SLC14A2: variants seen among roughly 807,000 people sequenced by gnomAD.
SLC14A2 encodes the protein solute carrier family 14 member 2.
A neutral mutation model predicts 104.6 loss-of-function variants in SLC14A2; 91 were observed. The observed-to-expected ratio is 0.87, with a 90% CI of 0.73 to 1.04. The LOEUF (loss-of-function observed/expected upper bound fraction) is 1.04, where lower values mean the gene tolerates loss of function less well. Ranked by LOEUF, SLC14A2 falls within the 50% of genes least tolerant of loss-of-function variation. The probability of loss-of-function intolerance (pLI) is 0.00; values close to 1 mark genes in which losing one functional copy is unlikely to be tolerated. For missense variants in SLC14A2, 1,189 were observed against 1,156.0 expected, an observed-to-expected ratio of 1.03 and a Z score of -0.41; for synonymous variants, 476 against 466.4, an observed-to-expected ratio of 1.02 and a Z score of -0.27.
chr18:45,231,281 C>T (rs1471617511), intron 1 of SLC14A2, among the ~76,000 whole-genome samples: 2 of 152,144 alleles, frequency 1.3e-5, no homozygotes, highest in Non-Finnish European at 2.9e-5. Flanking sequence ...TAGCTTACTG[C>T]AGCCTTGACC....
chr18:45,280,945 A>G (rs570983367), intron 1 of SLC14A2, among the ~76,000 whole-genome samples: 1 of 151,988 alleles, frequency 6.6e-6, no homozygotes, highest in Admixed American at 6.6e-5. Context: ...TTCGAAAAGA[A>G]TTCCTGTGCA....
At chr18:45,641,921 A>T (rs1209807431) in intron 8 of SLC14A2, among the ~76,000 whole-genome samples, 1 of 152,130 alleles carries the variant, frequency 6.6e-6, no homozygotes. Flanking sequence ...CTTCTCATAC[A>T]CCTGTATCCC....
chr18:45,564,866 AAC>A (rs1313940308), intron 2 of SLC14A2, among the ~76,000 whole-genome samples: 1 of 152,138 alleles, frequency 6.6e-6, no homozygotes, highest in African/African-American at 2.4e-5. Context: ...TGGAGAGACA[AAC>A]ACAGCACAGC....
chr18:45,309,401 T>C (rs1599663890), intron 1 of SLC14A2, among the ~76,000 whole-genome samples: 1 of 151,888 alleles, frequency 6.6e-6, no homozygotes, highest in East Asian at 1.9e-4. Context: ...CATAGCCAAC[T>C]ACAGCCTCCA....
intron 2 of SLC14A2, among the ~76,000 whole-genome samples, chr18:45,565,777 C>T (rs1237856418): frequency 1.3e-5 from 2 of 152,172 alleles, no homozygotes; most frequent in African/African-American, 4.8e-5. Flanking sequence ...CCCTTCTAGG[C>T]ACAGGAAGGA....
chr18:45,237,699 A>C (rs1411945919), intron 1 of SLC14A2, among the ~76,000 whole-genome samples: 2 of 152,192 alleles, frequency 1.3e-5, no homozygotes, highest in Non-Finnish European at 2.9e-5. Context: ...ACAGTTCTGA[A>C]ATGCTGAGAA....
At chr18:45,520,902 C>T (rs1427988317) in intron 2 of SLC14A2, among the ~76,000 whole-genome samples, 1 of 152,162 alleles carries the variant, frequency 6.6e-6, no homozygotes, top group Non-Finnish European at 1.5e-5. Context: ...ATTATTATGA[C>T]CGAAAGTCTG....
chr18:45,477,646 C>G (rs978139209), intron 1 of SLC14A2, among the ~76,000 whole-genome samples: 2 of 152,204 alleles, frequency 1.3e-5, no homozygotes, highest in African/African-American at 4.8e-5. Flanking sequence ...AAGCCCATGA[C>G]TGGGGCTGCT....
chr18:45,381,104 G>A (rs911272014), intron 1 of SLC14A2, among the ~76,000 whole-genome samples: 8 of 152,156 alleles, frequency 5.3e-5, no homozygotes, highest in Non-Finnish European at 1.0e-4. Flanking sequence ...GTCCTCCAAG[G>A]AAGCTGTTCT....
chr18:45,269,924 T>C (rs1294907587), intron 1 of SLC14A2, among the ~76,000 whole-genome samples: 1 of 152,226 alleles, frequency 6.6e-6, no homozygotes, highest in Non-Finnish European at 1.5e-5. Flanking sequence ...GAATTAGTTC[T>C]CAGCATTTCT....
chr18:45,311,768 G>C (rs886083334), intron 1 of SLC14A2, among the ~76,000 whole-genome samples: 1 of 152,186 alleles, frequency 6.6e-6, no homozygotes, highest in Non-Finnish European at 1.5e-5. Context: ...GTTGAGAAAG[G>C]GGGTGTTGGA....
At chr18:45,594,661 CCTTA>C (rs1350131141) in intron 2 of SLC14A2, among the ~76,000 whole-genome samples, 4 of 152,146 alleles carry the variant, frequency 2.6e-5, no homozygotes, top group Non-Finnish European at 4.4e-5. Flanking sequence ...GCTCATGGCA[CCTTA>C]CTTGTCTCTT....
At chr18:45,681,505 A>G (rs1284490053) in intron 19 of SLC14A2, among the ~76,000 whole-genome samples, 1 of 152,246 alleles carries the variant, frequency 6.6e-6, no homozygotes, top group Non-Finnish European at 1.5e-5. Context: ...GAAGAGTACT[A>G]AAAAGCCTTA....
Position 45,650,728 on chromosome 18 carries a change from GTTT to G in SLC14A2, c.1351+6573_1351+6575del, listed in dbSNP as rs1268204505. ...ATTCACAGCACCACAGGTGTTTTGG[GTTT>G]TTTTGTCTTGTTTTGTTTTGTTTTT... On this transcript the variant is annotated intron_variant, in intron 10 of 19. Transcript: ENST00000255226. Among the ~76,000 whole-genome samples the G allele has an allele frequency of 2.3e-5, 3 of 129,916 alleles. No individual in the cohort carries two copies. In the East Asian group the frequency reaches 6.2e-4, roughly 27 times the overall value. 85.2% of individuals were successfully genotyped at this position (129,916 alleles called of 152,430 possible).
intron 1 of SLC14A2, among the ~76,000 whole-genome samples, chr18:45,623,732 T>C (rs2045214291): frequency 6.6e-6 from 1 of 152,176 alleles, no homozygotes; most frequent in African/African-American, 2.4e-5. Context: ...CTGTGATCCC[T>C]GTCCTAAGAG....
At chr18:45,599,813 G>A (rs767693797) in intron 2 of SLC14A2, among the ~76,000 whole-genome samples, 3 of 152,190 alleles carry the variant, frequency 2.0e-5, no homozygotes, top group South Asian at 2.1e-4. Flanking sequence ...GGCAGAAGAC[G>A]AGGAGCAAGA....
intron 1 of SLC14A2, among the ~76,000 whole-genome samples, chr18:45,265,982 G>A (rs907085638): frequency 3.3e-5 from 5 of 152,090 alleles, no homozygotes; most frequent in East Asian, 3.9e-4. Context: ...AAAGTATATC[G>A]TAGGTTAAAG....
At position 45,675,685 on chromosome 18, in the gene SLC14A2, CTATA is replaced by C. The variant is rs35374996; in HGVS notation, c.2512+1890_2512+1893del. ...ATGCACCACCATGCCCAGCTAATTT[CTATA>C]TATATATATATATATATATATTTTT... On this transcript the variant is annotated intron_variant, in intron 18 of 19. Coordinates refer to ENST00000255226, the MANE Select transcript of SLC14A2 (RefSeq NM_007163.4). Among the ~76,000 whole-genome samples the C allele has an allele frequency of 3.0e-3, 239 of 80,620 alleles. 1 individual carries two copies. The highest frequency in any genetic ancestry group is 5.7e-3 in the African/African-American group (100 of 17,664). The allele number at this position is 80,620 out of a possible 152,430, so 52.9% of individuals were successfully genotyped here.
rs1027333116 is a variant in SLC14A2 at position 45,637,983 on chromosome 18, G to T, written c.843+801G>T. ...GCACAGCTCACCAGGCTGAAATATAGATCCCAGCGGAGGAAGCTTCATTCT... is the reference window on the plus strand; with the variant it reads ...GCACAGCTCACCAGGCTGAAATATATATCCCAGCGGAGGAAGCTTCATTCT... On this transcript the variant is annotated intron_variant, in intron 6 of 19. Coordinates refer to ENST00000255226, the MANE Select transcript of SLC14A2 (RefSeq NM_007163.4). Among the ~76,000 whole-genome samples, 8 of 152,160 alleles carry T rather than the reference G, an allele frequency of 5.3e-5. No homozygotes were observed. In the East Asian group the frequency reaches 1.4e-3, roughly 26 times the overall value.
Sources: gnomAD v4.1 joint callset for allele counts (sites outside exome capture counted in the v4.1 genomes callset) on GRCh38, gnomAD v4.1.1 for gene constraint, MANE v1.5 for transcripts, NCBI Gene and HGNC (gene_info 2026-07-23, HGNC 2026-07-21) for gene names.